Variants in ZPBP observed in about 807,000 individuals in gnomAD.
ZPBP encodes zona pellucida binding protein, also known as zona pellucida-binding protein 1.
ZPBP carries 26 observed loss-of-function variants against 44.8 expected under a neutral mutation model. The observed-to-expected ratio is 0.58, with a 90% CI of 0.43 to 0.81. The LOEUF is 0.81. Ranked by LOEUF, ZPBP falls within the 30% of genes least tolerant of loss-of-function variation. ZPBP has a pLI of 0.00. For missense variants in ZPBP, 409 were observed against 434.0 expected, an observed-to-expected ratio of 0.94 and a Z score of 0.51; for synonymous variants, 174 against 153.2, an observed-to-expected ratio of 1.14 and a Z score of -1.00.
At chr7:50,005,946 T>G (rs1798292170) in intron 6 of ZPBP, among the ~76,000 whole-genome samples, 1 of 150,656 alleles carries the variant, frequency 6.6e-6, no homozygotes, top group African/African-American at 2.5e-5. Context: ...TACATACAGG[T>G]TGAAGTGAGA....
Position 49,937,641 on chromosome 7 carries a change from T to C in ZPBP, c.962-19A>G, listed in dbSNP as rs73347098. 1 of 1,584,714 alleles carries C rather than the reference T, an allele frequency of 6.3e-7. No homozygotes were observed. Among genetic ancestry groups the C allele is most frequent in the African/African-American group, 1.3e-5 (1 of 74,306 alleles). ...CAGATCACTGTGAAAAAAGAGTAAG[T>C]TAATAAGTAGTATTTTCCTAATACA... is the stretch of plus-strand genomic sequence containing the variant. On this transcript the variant is annotated intron_variant, in intron 7 of 7. Transcript: ENST00000046087.
chr7:49,983,980 T>TA (rs1198015774), intron 6 of ZPBP, among the ~76,000 whole-genome samples: 2 of 152,156 alleles, frequency 1.3e-5, no homozygotes, highest in African/African-American at 4.8e-5. Context: ...AAATTAAATC[T>TA]AAAAAAATAA....
At chr7:49,864,652 G>A (rs1335214020) in intron 2 of ZPBP, among the ~76,000 whole-genome samples, 2 of 152,210 alleles carry the variant, frequency 1.3e-5, no homozygotes, top group African/African-American at 2.4e-5. Context: ...TGGCTTCTGA[G>A]TTAGGCAAAA....
chr7:49,924,706 A>G (rs1018349007), intron 1 of ZPBP, among the ~76,000 whole-genome samples: 2 of 152,170 alleles, frequency 1.3e-5, no homozygotes, highest in African/African-American at 4.8e-5. Context: ...TTCTGTCAAG[A>G]TAGACTAGCC....
chr7:49,983,609 G>T (rs1183114375), intron 6 of ZPBP, 90 bp from the exon 7 acceptor site: 2 of 774,184 alleles, frequency 2.6e-6, no homozygotes, highest in African/African-American at 1.8e-5. Context: ...AGAATTTAAA[G>T]AAAACAAAGT....
chr7:49,979,306 T>G (rs959619727), intron 7 of ZPBP, among the ~76,000 whole-genome samples: 2 of 152,030 alleles, frequency 1.3e-5, no homozygotes, highest in Non-Finnish European at 2.9e-5. Flanking sequence ...CCCTTAACAG[T>G]CTCTTGTTCC....
intron 2 of ZPBP, among the ~76,000 whole-genome samples, chr7:49,853,043 A>G (rs1237728972): frequency 1.3e-5 from 2 of 152,218 alleles, no homozygotes; most frequent in Admixed American, 1.3e-4. Flanking sequence ...AGCTGCACCA[A>G]GGACAGAAGC....
At chr7:50,028,284 T>TA (rs35997351) in intron 5 of ZPBP, among the ~76,000 whole-genome samples, 69 of 151,022 alleles carry the variant, frequency 4.6e-4, no homozygotes, top group Non-Finnish European at 7.8e-4. Flanking sequence ...GGGTGAAAAT[T>TA]AAAAAAAAAA....
intron 5 of ZPBP, among the ~76,000 whole-genome samples, chr7:50,021,441 T>C (rs1799086138): frequency 6.6e-6 from 1 of 151,884 alleles, no homozygotes; most frequent in Non-Finnish European, 1.5e-5. Context: ...AAGAAAGAAT[T>C]AGTGAACTTG....
In ZPBP at chr7:49,929,849, G is replaced by A. The variant is rs10278035; in HGVS notation, n.411+5902C>T. ...AAATGTACATGTTACTAATGTGAAG[G>A]GTGTGTATCAACGCACACAAGTTAA... On this transcript the variant is annotated intron_variant and non_coding_transcript_variant, in intron 1 of 2. Transcript: ENST00000465922. Among the ~76,000 whole-genome samples the A allele has an allele frequency of 4.6e-3, 697 of 152,200 alleles. 4 individuals carry two copies. Among genetic ancestry groups the A allele is most frequent in the African/African-American group, 0.016 (659 of 41,510 alleles).
intron 2 of ZPBP, among the ~76,000 whole-genome samples, chr7:49,888,119 G>A (rs1446681916): frequency 2.0e-5 from 3 of 152,212 alleles, no homozygotes; most frequent in East Asian, 3.9e-4. Flanking sequence ...GGTCACATTA[G>A]TAGCTCAAAA....
chr7:49,939,655 A>T (rs1583876970), intron 7 of ZPBP, among the ~76,000 whole-genome samples: 3 of 152,292 alleles, frequency 2.0e-5, no homozygotes, highest in East Asian at 3.9e-4. Flanking sequence ...ACCATAATGT[A>T]AAACATTTAA....
At chr7:49,892,531 A>G (rs1792188076) in intron 2 of ZPBP, among the ~76,000 whole-genome samples, 1 of 152,202 alleles carries the variant, frequency 6.6e-6, no homozygotes, top group East Asian at 1.9e-4. Context: ...ATTCTGTTAG[A>G]AATCAGCAAA....
At chr7:50,073,047 T>C (rs1007811679) in intron 3 of ZPBP, among the ~76,000 whole-genome samples, 1 of 152,054 alleles carries the variant, frequency 6.6e-6, no homozygotes, top group Non-Finnish European at 1.5e-5. Context: ...CAGGAAAACA[T>C]GACCTCAACA....
chr7:49,981,606 ATATAATTATATTATAT>A lies in ZPBP; in HGVS notation c.961+1720_961+1735del, dbSNP rs1357654333. 7.5e-4 allele frequency among the ~76,000 whole-genome samples: 17 copies of A among 22,688 alleles called. 2 individuals carry two copies. Among genetic ancestry groups the A allele is most frequent in the South Asian group, 3.6e-3 (3 of 838 alleles). The allele number at this position is 22,688 out of a possible 152,430, so 14.9% of individuals were successfully genotyped here. A position where few individuals can be genotyped will look rare whatever the true frequency, so the allele number is the denominator to read the frequency against. On this transcript the variant is annotated intron_variant, in intron 7 of 7. Coordinates refer to ENST00000046087, the MANE Select transcript of ZPBP (RefSeq NM_007009.3). ...TATATATTATATAATTATATAAATT[ATATAATTATATTATAT>A]TATATTATATTATATATTATATAAT...
chr7:50,042,394 A>G (rs112778738), intron 4 of ZPBP, among the ~76,000 whole-genome samples: 2,676 of 152,290 alleles, frequency 0.018, 56 homozygotes, highest in African/African-American at 0.048. Flanking sequence ...GAAGGTTGAA[A>G]CGAAGGAAAA....
the ZPBP span, among the ~76,000 whole-genome samples, chr7:49,845,296 A>G: frequency 6.6e-6 from 1 of 152,156 alleles, no homozygotes; most frequent in Admixed American, 6.5e-5. Flanking sequence ...GTCGAAGGAA[A>G]AAAAAAAGGT....
intron 5 of ZPBP, 132 bp downstream of exon 5, chr7:50,030,960 T>C (rs1799579550): frequency 5.1e-6 from 4 of 778,918 alleles, no homozygotes; most frequent in Non-Finnish European, 2.1e-6. Context: ...TAAGTCAAAG[T>C]AGAGAACAAA....
intron 4 of ZPBP, among the ~76,000 whole-genome samples, chr7:50,041,083 C>T (rs368339843): frequency 3.3e-5 from 5 of 152,202 alleles, no homozygotes; most frequent in Admixed American, 6.5e-5. Flanking sequence ...TCTGCAAAGC[C>T]GCTATAGCCA....
Sources: gnomAD v4.1 joint callset for allele counts (sites outside exome capture counted in the v4.1 genomes callset) on GRCh38, gnomAD v4.1.1 for gene constraint, MANE v1.5 for transcripts, NCBI Gene and HGNC (gene_info 2026-07-23, HGNC 2026-07-21) for gene names.